The following ACTR3C variants were observed in gnomAD, a reference collection of about 807,000 sequenced individuals.
The protein encoded by ACTR3C is actin related protein 3C, also known as actin-related protein 3C.
Under a neutral mutation model 26.3 loss-of-function variants are expected in ACTR3C, and 18 were observed. That is an observed-to-expected ratio of 0.68 (90% confidence interval 0.47 to 1.01). The LOEUF (loss-of-function observed/expected upper bound fraction) is 1.01. Among genes scored for constraint, ACTR3C ranks in the 50% least tolerant of loss-of-function variants. The probability of loss-of-function intolerance (pLI) is 0.00; values close to 1 mark genes in which losing one functional copy is unlikely to be tolerated. For missense variants in ACTR3C, 184 were observed against 250.7 expected (o/e 0.73, Z 1.80); for synonymous variants, 55 against 94.5 (o/e 0.58, Z 2.42).
chr7:150,241,035 T>A (rs1832149763), downstream of ACTR3C, among the ~76,000 whole-genome samples: 1 of 151,798 alleles, frequency 6.6e-6, no homozygotes, highest in African/African-American at 2.4e-5. Flanking sequence ...AAAATATTAC[T>A]GAGAGAAATT....
chr7:150,300,107 C>T (rs1226722201), intron 1 of ACTR3C, among the ~76,000 whole-genome samples: 2 of 152,096 alleles, frequency 1.3e-5, no homozygotes, highest in Non-Finnish European at 2.9e-5. Flanking sequence ...AATGCCAACA[C>T]TTTAGGAGGC....
chr7:150,028,752 C>T, the ACTR3C span, among the ~76,000 whole-genome samples: 1 of 152,282 alleles, frequency 6.6e-6, no homozygotes, highest in Non-Finnish European at 1.5e-5. Context: ...CTTTGGTCAC[C>T]TCAGCCTCAA....
the ACTR3C span, among the ~76,000 whole-genome samples, chr7:150,134,235 A>AG: frequency 8.3e-6 from 1 of 121,098 alleles, no homozygotes; most frequent in Non-Finnish European, 1.9e-5. Flanking sequence ...TATGCAGTAA[A>AG]AAAAAAAAAA....
the ACTR3C span, among the ~76,000 whole-genome samples, chr7:150,068,545 C>T: frequency 0.016 from 2,485 of 151,502 alleles, 70 homozygotes; most frequent in African/African-American, 0.057. Context: ...GAGGCTGACG[C>T]GGGAGGATCA....
rs60293189 is a variant in ACTR3C at position 150,259,291 on chromosome 7, AAAAG to A, written c.565-10241_565-10238del. ...AGAAAGAAAAAGAAAGAAAGAAAGAAAAAGAAAGAAAGAAAGAAAAAGAGAGGAA... is the reference window on the plus strand; with the variant it reads ...AGAAAGAAAAAGAAAGAAAGAAAGAAAAAGAAAGAAAGAAAAAGAGAGGAA... On this transcript the variant is annotated intron_variant, in intron 6 of 7. Transcript: ENST00000683684. 6.5e-4 allele frequency among the ~76,000 whole-genome samples: 97 copies of A among 149,606 alleles called. No homozygotes were observed. The Middle Eastern group carries it at 0.01, about 16-fold the overall frequency.
chr7:149,999,198 G>C, the ACTR3C span, among the ~76,000 whole-genome samples: 1 of 150,850 alleles, frequency 6.6e-6, no homozygotes, highest in South Asian at 2.1e-4. Flanking sequence ...TATTACATAA[G>C]TGTCTAATTT....
the ACTR3C span, among the ~76,000 whole-genome samples, chr7:149,965,425 T>C: frequency 1.4e-5 from 2 of 139,308 alleles, no homozygotes; most frequent in Admixed American, 1.5e-4. Flanking sequence ...TACAGAGCAG[T>C]GGTTGGGAAG....
At chr7:150,058,437 T>C in the ACTR3C span, among the ~76,000 whole-genome samples, 1 of 152,158 alleles carries the variant, frequency 6.6e-6, no homozygotes, top group Admixed American at 6.5e-5. Context: ...GGGTGTCCAC[T>C]TGATGAAGCA....
the ACTR3C span, among the ~76,000 whole-genome samples, chr7:150,035,458 C>G: frequency 2.8e-5 from 3 of 105,972 alleles, no homozygotes; most frequent in Admixed American, 8.5e-5. Flanking sequence ...GGGTGCCTCC[C>G]CCGTTGCGAT....
chr7:150,085,986 T>C, the ACTR3C span, among the ~76,000 whole-genome samples: 3 of 151,738 alleles, frequency 2.0e-5, no homozygotes, highest in African/African-American at 4.8e-5. Flanking sequence ...CTTTCTTCTT[T>C]TTTTTTTTGA....
chr7:150,193,256 A>G, the ACTR3C span, among the ~76,000 whole-genome samples: 6 of 152,186 alleles, frequency 3.9e-5, no homozygotes, highest in South Asian at 6.2e-4. Context: ...GCTTATGGGC[A>G]TAGAATTGTT....
the ACTR3C span, among the ~76,000 whole-genome samples, chr7:150,127,457 A>C: frequency 6.6e-6 from 1 of 152,062 alleles, no homozygotes; most frequent in African/African-American, 2.4e-5. Flanking sequence ...CAGGTCGGAC[A>C]ACGGCTTAAC....
chr7:150,195,107 G>GTATATA, the ACTR3C span, among the ~76,000 whole-genome samples: 456 of 138,498 alleles, frequency 3.3e-3, 3 homozygotes, highest in African/African-American at 9.9e-3. Flanking sequence ...ATACATATAT[G>GTATATA]TATATATATA....
At chr7:150,313,443 G>A (rs1796503976) in intron 1 of ACTR3C, among the ~76,000 whole-genome samples, 1 of 152,248 alleles carries the variant, frequency 6.6e-6, no homozygotes, top group Non-Finnish European at 1.5e-5. Context: ...ATGATGATAA[G>A]GGATTGTGGA....
At chr7:150,255,242 A>AT (rs745713614) in intron 6 of ACTR3C, among the ~76,000 whole-genome samples, 1,615 of 85,536 alleles carry the variant, frequency 0.019, 18 homozygotes, top group African/African-American at 0.04. Context: ...TTTGTAGGGG[A>AT]TTTTTTTTTT....
chr7:149,904,616 C>T, the ACTR3C span, among the ~76,000 whole-genome samples: 1 of 132,614 alleles, frequency 7.5e-6, no homozygotes, highest in Non-Finnish European at 1.7e-5. Flanking sequence ...CAATAAAACA[C>T]ATATACCATC....
chr7:150,154,956 G>C, the ACTR3C span, among the ~76,000 whole-genome samples: 4 of 152,064 alleles, frequency 2.6e-5, no homozygotes, highest in Admixed American at 1.3e-4. Context: ...ATGTTTTAAG[G>C]ATCCTGTCCC....
chr7:150,150,485 T>C, the ACTR3C span, among the ~76,000 whole-genome samples: 2 of 150,288 alleles, frequency 1.3e-5, no homozygotes, highest in African/African-American at 2.4e-5. Context: ...AGCTGCTCCA[T>C]GCAGAGGGGT....
At chr7:149,912,843 C>A in the ACTR3C span, among the ~76,000 whole-genome samples, 1 of 152,104 alleles carries the variant, frequency 6.6e-6, no homozygotes, top group Non-Finnish European at 1.5e-5. Context: ...GATCATTACC[C>A]TCCTAGCAGA....
Sources: gnomAD v4.1 joint callset for allele counts (sites outside exome capture counted in the v4.1 genomes callset) on GRCh38, gnomAD v4.1.1 for gene constraint, MANE v1.5 for transcripts, NCBI Gene and HGNC (gene_info 2026-07-23, HGNC 2026-07-21) for gene names.